The following SH2B2 variants were observed in gnomAD, a reference collection of about 807,000 sequenced individuals.
SH2B2 encodes SH2B adaptor protein 2.
SH2B2 carries 37 observed loss-of-function variants against 35.7 expected under a neutral mutation model. The ratio of observed to expected loss-of-function variants is 1.04; its 90% CI spans 0.80 to 1.36. SH2B2 has a LOEUF of 1.36. Among genes scored for constraint, SH2B2 ranks in the 40% most tolerant of loss-of-function variants. The pLI, the probability that SH2B2 is intolerant of heterozygous loss-of-function variation, is 0.00. For missense variants in SH2B2, 852 were observed against 817.7 expected (o/e 1.04, Z -0.51); for synonymous variants, 383 against 376.4 (o/e 1.02, Z -0.20).
At chr7:102,286,630 C>A (rs1792454740), upstream of SH2B2, among the ~76,000 whole-genome samples, 2 of 151,882 alleles carry the variant, frequency 1.3e-5, no homozygotes, top group African/African-American at 4.8e-5. Context: ...CGGCTCCTAA[C>A]CCCTCTCTCC....
chr7:102,287,400 A>G (rs1792497486), intron 1 of SH2B2, among the ~76,000 whole-genome samples: 1 of 151,872 alleles, frequency 6.6e-6, no homozygotes, highest in Non-Finnish European at 1.5e-5. Context: ...CCGGCCGGGT[A>G]GTGGGGCGAG....
intron 2 of SH2B2, among the ~76,000 whole-genome samples, chr7:102,306,484 A>G (rs1793403195): frequency 6.6e-6 from 1 of 152,206 alleles, no homozygotes; most frequent in Non-Finnish European, 1.5e-5. Flanking sequence ...TCGGCCTCCC[A>G]AAGTGCTAGG....
chr7:102,313,051 C>A (rs1354447958), intron 4 of SH2B2, among the ~76,000 whole-genome samples: 6 of 150,624 alleles, frequency 4.0e-5, no homozygotes, highest in African/African-American at 1.2e-4. Flanking sequence ...ATTGCTTGAA[C>A]CCCCGGGAGG....
chr7:102,321,337 G>T lies in SH2B2; in HGVS notation c.1606G>T (p.Ala536Ser), dbSNP rs1554558460. 7.0e-7 allele frequency: 1 copy of T among 1,438,390 alleles called. No homozygotes were observed. The highest frequency in any genetic ancestry group is 3.1e-5 in the East Asian group (1 of 32,366). The allele number at this position is 1,438,390 out of a possible 1,614,324, so 89.1% of individuals were successfully genotyped here. A position where few individuals can be genotyped will look rare whatever the true frequency, so the allele number is the denominator to read the frequency against. ...GCCCCCTGCCGCGCCCGCGTCCCCGGCCTGCTGGAGCGACTCGCCCGGCCA... is the reference window on the plus strand; with the variant it reads ...GCCCCCTGCCGCGCCCGCGTCCCCGTCCTGCTGGAGCGACTCGCCCGGCCA... ...PTPPAAPASP[A>S]CWSDSPGQHY... Residue 536 changes from alanine to serine, a missense_variant, in exon 9 of 9, where the codon GCC (alanine) becomes TCC (serine). By Grantham distance (99) the Ala-to-Ser change is moderately conservative (BLOSUM62 1). Coordinates refer to ENST00000444095, the MANE Select transcript of SH2B2 (RefSeq NM_001359228.2).
rs1554557155 is a variant in SH2B2, at chr7:102,317,156, C to T, written c.1187-31C>T. On this transcript the variant is annotated intron_variant, in intron 6 of 8. Coordinates refer to ENST00000444095, the MANE Select transcript of SH2B2 (RefSeq NM_001359228.2). ...ATTTGTCCCCCTTTCTCCTTCCCCC[C>T]ATGTTCCTCACACTGTCATCCCCAC... The T allele has an allele frequency of 2.0e-6, 3 of 1,525,590 alleles. No homozygotes were observed. The South Asian group carries it at 3.6e-5, about 18-fold the overall frequency. The allele number at this position is 1,525,590 out of a possible 1,614,324, so 94.5% of individuals were successfully genotyped here. A position where few individuals can be genotyped will look rare whatever the true frequency, so the allele number is the denominator to read the frequency against.
At position 102,301,159 on chromosome 7, in the gene SH2B2, G is replaced by A. The variant is rs782811629; in HGVS notation, c.609G>A (p.Met203Ile). ...AACGCGAGGGGGCGCTGCGCTTCATGGTGGCCGACGACGCGGCCGCGGGCT... is the reference window on the plus strand; with the variant it reads ...AACGCGAGGGGGCGCTGCGCTTCATAGTGGCCGACGACGCGGCCGCGGGCT... Reference protein sequence around the residue: ...DIQREGALRFMVADDAAAGSG... With the variant: ...DIQREGALRFIVADDAAAGSG... The change falls in exon 2 of 9, where the codon ATG becomes ATA. Residue 203 changes from methionine to isoleucine, a missense_variant. Met to Ile is a conservative substitution (Grantham distance 10). Around this residue, in one of 3 missense-constraint regions of SH2B2, gnomAD observed 556 missense variants for 514.5 expected, o/e 1.08. Transcript: ENST00000444095. 121 of 1,566,758 alleles carry A rather than the reference G, an allele frequency of 7.7e-5. No individual in the cohort carries two copies. Among genetic ancestry groups the A allele is most frequent in the Non-Finnish European group, 8.8e-5 (102 of 1,160,062 alleles).
At chr7:102,299,132 T>C (rs577021847) in intron 1 of SH2B2, among the ~76,000 whole-genome samples, 127 of 147,188 alleles carry the variant, frequency 8.6e-4, no homozygotes, top group Admixed American at 1.8e-3. Flanking sequence ...ATCTCCTGAC[T>C]TCGTGATGCG....
At chr7:102,319,932 A>T in intron 7 of SH2B2, among the ~76,000 whole-genome samples, 1 of 151,928 alleles carries the variant, frequency 6.6e-6, no homozygotes, top group Non-Finnish European at 1.5e-5. Context: ...GGGCTGGGGG[A>T]ACCACCCAAA....
intron 2 of SH2B2, among the ~76,000 whole-genome samples, chr7:102,305,120 C>T (rs1554554600): frequency 6.6e-6 from 1 of 152,192 alleles, no homozygotes; most frequent in Admixed American, 6.5e-5. Context: ...GTCCCTTTTA[C>T]TCACTCCAGG....
In SH2B2 at chr7:102,308,103, G is replaced by A. The variant is rs117761371; in HGVS notation, c.832-712G>A. ...TGCATTTTGACAGAGGCACACCACC[G>A]GAAGCCAACAGCACGGGACCTGGGT... is the stretch of plus-strand genomic sequence containing the variant. On this transcript the variant is annotated intron_variant, in intron 3 of 8. Coordinates refer to ENST00000444095, the MANE Select transcript of SH2B2 (RefSeq NM_001359228.2). Among the ~76,000 whole-genome samples, 32 of 152,270 alleles carry A rather than the reference G, an allele frequency of 2.1e-4. 1 individual carries two copies. In the East Asian group the frequency reaches 4.5e-3, roughly 21 times the overall value.
intron 2 of SH2B2, 46 bp from the exon 3 acceptor site, chr7:102,306,674 TG>T (rs1793410895): frequency 4.4e-6 from 6 of 1,373,110 alleles, no homozygotes; most frequent in Non-Finnish European, 6.1e-6. Context: ...ATGGAAAGGG[TG>T]TCGGGAAATG....
chr7:102,317,295 T>A lies in SH2B2; in HGVS notation c.1295T>A (p.Leu432Gln). 4 of 1,613,642 alleles carry A rather than the reference T, an allele frequency of 2.5e-6. 1 individual carries two copies. In the South Asian group the frequency reaches 4.4e-5, roughly 18 times the overall value. The part of the protein sequence containing the change: ...LSRVKAAQLV[L>Q]AGGPRNHGLF... ...CGGGTCAAGGCTGCTCAACTGGTTC[T>A]GGCAGGGGGGCCCCGGAACCACGGC... The change falls in exon 7 of 9, where the codon CTG becomes CAG. Residue 432 changes from leucine to glutamine, a missense_variant. Coordinates refer to ENST00000444095, the MANE Select transcript of SH2B2 (RefSeq NM_001359228.2).
Position 102,300,618 on chromosome 7 carries a change from G to C in SH2B2, c.68G>C (p.Trp23Ser). Residue 23 changes from tryptophan (W) to serine (S), a missense_variant, in exon 2 of 9, where the codon TGG (tryptophan) becomes TCG (serine). Physicochemically the swap from Trp to Ser is radical, Grantham distance 177. This residue lies in a region of SH2B2 where 294 missense variants were observed against 286.6 expected (regional missense o/e 1.03). Coordinates refer to ENST00000444095, the MANE Select transcript of SH2B2 (RefSeq NM_001359228.2). ...CCAGTCCCGGTCCCGGTCCCGGACT[G>C]GCGGCAGTTCTGCGAGCTGCATGCG... Reference protein sequence around the residue: ...PVPVPVPVPDWRQFCELHAQA... With the variant: ...PVPVPVPVPDSRQFCELHAQA... 1 of 1,551,014 alleles carries C rather than the reference G, an allele frequency of 6.4e-7. No individual in the cohort carries two copies. The highest frequency in any genetic ancestry group is 8.7e-7 in the Non-Finnish European group (1 of 1,146,302).
intron 8 of SH2B2, 134 bp from the exon 9 acceptor site, chr7:102,321,165 C>G (rs1422987998): frequency 5.5e-6 from 4 of 732,536 alleles, no homozygotes; most frequent in Admixed American, 4.6e-5. Flanking sequence ...GGTGTGCTTG[C>G]ATATGTGTCC....
chr7:102,315,155 C>G (rs1338088093), intron 6 of SH2B2, among the ~76,000 whole-genome samples: 4 of 150,532 alleles, frequency 2.7e-5, no homozygotes, highest in Non-Finnish European at 5.9e-5. Flanking sequence ...CGCCACTGCA[C>G]TCCAGCCTGG....
chr7:102,300,593 C>G lies in SH2B2; in HGVS notation c.43C>G (p.Pro15Ala), dbSNP rs782505152. 5.9e-5 allele frequency: 92 copies of G among 1,549,994 alleles called. No homozygotes were observed. The highest frequency in any genetic ancestry group is 7.8e-5 in the Non-Finnish European group (89 of 1,146,364). Residue 15 changes from proline to alanine, a missense_variant, in exon 2 of 9, where the codon CCA becomes GCA. Pro to Ala is a conservative substitution (Grantham distance 27, BLOSUM62 -1). Coordinates refer to ENST00000444095, the MANE Select transcript of SH2B2 (RefSeq NM_001359228.2). ...GPGPAAAAPV[P>A]VPVPVPDWRQ... ...TGGCCCCGCCGCAGCCGCCCCGGTC[C>G]CAGTCCCGGTCCCGGTCCCGGACTG...
intron 2 of SH2B2, among the ~76,000 whole-genome samples, chr7:102,302,381 G>T (rs1399648632): frequency 6.6e-6 from 1 of 152,232 alleles, no homozygotes; most frequent in Non-Finnish European, 1.5e-5. Context: ...CCCTGCCCAG[G>T]GGGTCCTTTT....
At chr7:102,313,782 G>C (rs965313378) in intron 4 of SH2B2, among the ~76,000 whole-genome samples, 3 of 151,118 alleles carry the variant, frequency 2.0e-5, no homozygotes, top group Admixed American at 2.0e-4. Flanking sequence ...CATGGTGGCA[G>C]ATGCCTGTAA....
rs1554553542 is a variant in SH2B2 at position 102,300,818 on chromosome 7, G to A, written c.268G>A (p.Ala90Thr). Residue 90 changes from alanine to threonine, a missense_variant, in exon 2 of 9, where the codon GCG (alanine) becomes ACG (threonine). Coordinates refer to ENST00000444095, the MANE Select transcript of SH2B2 (RefSeq NM_001359228.2). ...GGTGGCTGGGCCGACGACTCGGGGCGCGGCCGTGAGCGCAGAGGCCATGGA... is the reference window on the plus strand; with the variant it reads ...GGTGGCTGGGCCGACGACTCGGGGCACGGCCGTGAGCGCAGAGGCCATGGA... ...VLVAGPTTRG[A>T]AVSAEAMEPE... is the part of the protein sequence containing the mutation. The A allele has an allele frequency of 2.0e-6, 3 of 1,478,262 alleles. No individual in the cohort carries two copies. The highest frequency in any genetic ancestry group is 2.7e-6 in the Non-Finnish European group (3 of 1,111,230). The allele number at this position is 1,478,262 out of a possible 1,614,324, so 91.6% of individuals were successfully genotyped here. A position where few individuals can be genotyped will look rare whatever the true frequency, so the allele number is the denominator to read the frequency against.
Sources: gnomAD v4.1 joint callset for allele counts (sites outside exome capture counted in the v4.1 genomes callset) on GRCh38, gnomAD v4.1.1 for gene constraint, gnomAD v4.1.1 regional missense constraint, MANE v1.5 for transcripts, NCBI Gene and HGNC (gene_info 2026-07-23, HGNC 2026-07-21) for gene names.